ECHS1: variants seen among roughly 807,000 people sequenced by gnomAD.
ECHS1 encodes the protein enoyl-CoA hydratase, mitochondrial.
Under a neutral mutation model 33.5 loss-of-function variants are expected in ECHS1, and 19 were observed. The observed-to-expected ratio is 0.57, with a 90% CI of 0.40 to 0.83. The LOEUF (loss-of-function observed/expected upper bound fraction) is 0.83, where lower values mean the gene tolerates loss of function less well. Among genes scored for constraint, ECHS1 ranks in the 40% least tolerant of loss-of-function variants. The pLI is 0.00. For synonymous variants in ECHS1, 158 were observed against 146.6 expected, an observed-to-expected ratio of 1.08 and a Z score of -0.56; for missense variants, 365 against 381.3, an observed-to-expected ratio of 0.96 and a Z score of 0.36.
intron 7 of ECHS1, among the ~76,000 whole-genome samples, chr10:133,363,642 G>C (rs947059890): frequency 1.3e-5 from 2 of 152,142 alleles, no homozygotes; most frequent in Non-Finnish European, 2.9e-5. Flanking sequence ...AAATTAGCCA[G>C]GTGTGGTGGT....
intron 7 of ECHS1, among the ~76,000 whole-genome samples, 176 bp from the exon 8 acceptor site, chr10:133,363,109 C>A (rs942196372): frequency 6.6e-6 from 1 of 152,182 alleles, no homozygotes; most frequent in African/African-American, 2.4e-5. Context: ...GGCCTGGGCG[C>A]GGGGATTTTC....
At chr10:133,366,434 G>A (rs1415720003) in intron 5 of ECHS1, among the ~76,000 whole-genome samples, 1 of 152,264 alleles carries the variant, frequency 6.6e-6, no homozygotes, top group Non-Finnish European at 1.5e-5. Flanking sequence ...TTTTGGGGAC[G>A]CAATTGCTGG....
chr10:133,365,946 T>A, intron 6 of ECHS1, 30 bp downstream of exon 6: 1 of 1,612,086 alleles, frequency 6.2e-7, no homozygotes, highest in Non-Finnish European at 8.5e-7. Flanking sequence ...CACGGAGACC[T>A]CTCCAGTGTC....
chr10:133,362,924 T>C lies in ECHS1; in HGVS notation c.817A>G (p.Lys273Glu), dbSNP rs565090080. Residue 273 changes from lysine (K) to glutamate (E), a missense_variant, in exon 8 of 8, where the codon AAA becomes GAA. Coordinates refer to ENST00000368547, the MANE Select transcript of ECHS1 (RefSeq NM_004092.4). ...TCCACAAACGCGGTCATCCCTTCTT[T>C]CCGGTCATCCTGGCAGGAAAAGGAA... ...FYSTFATDDR[K>E]EGMTAFVEKR... 2.8e-5 allele frequency: 45 copies of C among 1,614,022 alleles called. No homozygotes were observed. Among genetic ancestry groups the C allele is most frequent in the Admixed American group, 8.3e-5 (5 of 60,008 alleles).
At chr10:133,363,831 A>ATTGC (rs1848997367) in intron 7 of ECHS1, among the ~76,000 whole-genome samples, 1 of 152,206 alleles carries the variant, frequency 6.6e-6, no homozygotes, top group East Asian at 1.9e-4. Flanking sequence ...GAATTACTTT[A>ATTGC]AGTTACTGGC....
chr10:133,365,527 G>A (rs1405488632), intron 6 of ECHS1, among the ~76,000 whole-genome samples: 1 of 152,234 alleles, frequency 6.6e-6, no homozygotes, highest in Non-Finnish European at 1.5e-5. Context: ...CTGGCAGAGG[G>A]AGAACTAAAA....
intron 1 of ECHS1, among the ~76,000 whole-genome samples, chr10:133,372,367 G>A (rs1849120063): frequency 6.6e-6 from 1 of 152,222 alleles, no homozygotes; most frequent in South Asian, 2.1e-4. Context: ...GGCCCCGGGT[G>A]AGCCACGAGG....
Position 133,366,021 on chromosome 10 carries a change from T to G in ECHS1, c.694A>C (p.Asn232His). Residue 232 changes from asparagine (N) to histidine (H), a missense_variant, in exon 6 of 8, where the codon AAT becomes CAT. Asn to His is a moderately conservative substitution (Grantham distance 68). Coordinates refer to ENST00000368547, the MANE Select transcript of ECHS1 (RefSeq NM_004092.4). ...GCCATCGCTACTACAATTTTAGAAT[T>G]GCTGGCAATTTTTTCTGCACACTGG... ...AIQCAEKIAS[N>H]SKIVVAMAKE... The G allele has an allele frequency of 1.2e-6, 2 of 1,614,048 alleles. No homozygotes were observed. Among genetic ancestry groups the G allele is most frequent in the South Asian group, 2.2e-5 (2 of 91,092 alleles).
At chr10:133,368,349 T>C (rs956971317) in intron 4 of ECHS1, among the ~76,000 whole-genome samples, 2 of 152,152 alleles carry the variant, frequency 1.3e-5, no homozygotes, top group African/African-American at 4.8e-5. Context: ...ATCGGCCTCG[T>C]CCAACTCAGA....
intron 7 of ECHS1, among the ~76,000 whole-genome samples, chr10:133,363,353 G>GCACACACACACA (rs1848989597): frequency 1.5e-5 from 2 of 130,314 alleles, no homozygotes; most frequent in Non-Finnish European, 3.5e-5. Flanking sequence ...GTGTGCGCGC[G>GCACACACACACA]CGCACACACA....
intron 4 of ECHS1, among the ~76,000 whole-genome samples, chr10:133,368,085 A>C (rs538205658): frequency 7.4e-4 from 112 of 151,998 alleles, no homozygotes; most frequent in African/African-American, 2.6e-3. Context: ...TTGTGTCTTT[A>C]TTTCTTACAA....
intron 5 of ECHS1, 46 bp downstream of exon 5, chr10:133,366,843 C>CGCGAGGGGGACACCTAG (rs781042963): frequency 6.7e-7 from 1 of 1,494,236 alleles, no homozygotes; most frequent in African/African-American, 1.4e-5. Flanking sequence ...GTGGGGCTCC[C>CGCGAGGGGGACACCTAG]ACCCCGGGTT....
At chr10:133,372,353 G>T (rs1335619340) in intron 1 of ECHS1, among the ~76,000 whole-genome samples, 1 of 152,244 alleles carries the variant, frequency 6.6e-6, no homozygotes, top group Non-Finnish European at 1.5e-5. Flanking sequence ...CCGCTCATGA[G>T]TGGGGCCCCG....
intron 7 of ECHS1, among the ~76,000 whole-genome samples, chr10:133,363,196 G>T (rs1431075732): frequency 6.6e-6 from 1 of 152,228 alleles, no homozygotes; most frequent in Non-Finnish European, 1.5e-5. Context: ...CATCTAAAGA[G>T]CCTCAGATGC....
In ECHS1 at chr10:133,362,846, G is replaced by T; in HGVS notation, c.*22C>A. The T allele has an allele frequency of 1.2e-6, 2 of 1,613,586 alleles. No individual in the cohort carries two copies. Among genetic ancestry groups the T allele is most frequent in the Non-Finnish European group, 1.7e-6 (2 of 1,179,492 alleles). On this transcript the variant is annotated 3_prime_UTR_variant, in exon 8 of 8. Coordinates refer to ENST00000368547, the MANE Select transcript of ECHS1 (RefSeq NM_004092.4). ...GCACTTGTCCTCTCCAAGCAGAGGT[G>T]TGAAGCAGGGGCAGCTGGTTCTCAC...
At position 133,362,803 on chromosome 10, in the gene ECHS1, T is replaced by C; in HGVS notation, c.*65A>G. The C allele has an allele frequency of 6.5e-7, 1 of 1,544,518 alleles. No homozygotes were observed. The highest frequency in any genetic ancestry group is 9.0e-7 in the Non-Finnish European group (1 of 1,116,700). On this transcript the variant is annotated 3_prime_UTR_variant, in exon 8 of 8. Transcript: ENST00000368547. ...CTTGAAAAGAGGATGATTTACTTGC[T>C]TCTAAAACTGACAGGCTGCACTTGT... is the stretch of plus-strand genomic sequence containing the variant.
At position 133,370,687 on chromosome 10, in the gene ECHS1, G is replaced by A. The variant is rs1426318091; in HGVS notation, c.159C>T (p.Asn53=). The change falls in exon 2 of 8, where the codon AAC becomes AAT. Residue 53 remains asparagine, a synonymous_variant. Transcript: ENST00000368547. The part of the protein sequence containing the change: ...KNNTVGLIQL[N]RPKALNALCD... ...AAAGTGCATTGAGGGCCTTGGGGCG[G>A]TTCAGTTGGATCAACCCCACGGTGT... 1.2e-6 allele frequency: 2 copies of A among 1,613,294 alleles called. No individual in the cohort carries two copies. The highest frequency in any genetic ancestry group is 1.7e-6 in the Non-Finnish European group (2 of 1,179,774).
At chr10:133,367,757 C>T (rs555016798) in intron 4 of ECHS1, among the ~76,000 whole-genome samples, 6 of 151,614 alleles carry the variant, frequency 4.0e-5, no homozygotes, top group South Asian at 2.1e-4. Context: ...CTTTGAAGTT[C>T]GTAGCAGATA....
rs752488278 is a variant in ECHS1 at position 133,370,576 on chromosome 10, C to T, written c.270G>A (p.Gly90=). ...CGCGCGTACCTGCAAAGGCCTTATCCCCGCCGGTGAGGACAATGGCCCCCA... is the reference window on the plus strand; with the variant it reads ...CGCGCGTACCTGCAAAGGCCTTATCTCCGCCGGTGAGGACAATGGCCCCCA... ...PAVGAIVLTG[G]DKAFAAGADI... The change falls in exon 2 of 8, where the codon GGG becomes GGA. Residue 90 remains glycine, a synonymous_variant. Transcript: ENST00000368547. 2.5e-6 allele frequency: 4 copies of T among 1,594,936 alleles called. No individual in the cohort carries two copies. The African/African-American group carries it at 4.0e-5, about 16-fold the overall frequency.
Sources: allele counts gnomAD v4.1 joint callset (sites outside exome capture counted in the v4.1 genomes callset), GRCh38; gene constraint gnomAD v4.1.1; transcripts MANE v1.5; gene names NCBI Gene and HGNC (gene_info 2026-07-23, HGNC 2026-07-21).